TENM4: variants seen among roughly 807,000 people sequenced by gnomAD.
The protein encoded by TENM4 is teneurin transmembrane protein 4.
Under a neutral mutation model 243.3 loss-of-function variants are expected in TENM4, and 82 were observed. The observed-to-expected ratio is 0.34, with a 90% CI of 0.28 to 0.40. The LOEUF is 0.40. Ranked by LOEUF, TENM4 falls within the 10% of genes least tolerant of loss-of-function variation. The probability of loss-of-function intolerance (pLI) is 1.00; values close to 1 mark genes in which losing one functional copy is unlikely to be tolerated. For missense variants in TENM4, 3,138 were observed against 3,673.3 expected (o/e 0.85, Z 3.77); for synonymous variants, 1,412 against 1,456.3 (o/e 0.97, Z 0.69).
intron 1 of TENM4, among the ~76,000 whole-genome samples, chr11:79,305,152 G>A (rs776995312): frequency 6.6e-6 from 1 of 152,234 alleles, no homozygotes; most frequent in African/African-American, 2.4e-5. Flanking sequence ...AGTGAAAAGA[G>A]CATGGGCCTG....
intron 1 of TENM4, among the ~76,000 whole-genome samples, chr11:79,412,677 A>G (rs769862007): frequency 4.7e-4 from 71 of 152,368 alleles, no homozygotes; most frequent in Admixed American, 3.3e-4. Context: ...TACTTTATAA[A>G]TATGTATCAA....
At position 78,701,768 on chromosome 11, in the gene TENM4, G is replaced by A. The variant is rs201252316; in HGVS notation, c.4845C>T (p.Asp1615=). ...DYLYNFTYTG[D]GDITLITDNN... is the part of the protein sequence containing the mutation. ...TGTCTGTGATGAGTGTGATGTCGCC[G>A]TCCCCAGTGTAGGTGAAGTTGTACA... The change falls in exon 28 of 34, where the codon GAC becomes GAT. Residue 1615 remains aspartate (D), a synonymous_variant. Transcript: ENST00000278550. 6.9e-4 allele frequency: 1,112 copies of A among 1,613,928 alleles called. 1 individual carries two copies. Among genetic ancestry groups the A allele is most frequent in the Non-Finnish European group, 8.6e-4 (1,010 of 1,179,876 alleles).
At chr11:78,844,687 T>C (rs1236904960) in intron 12 of TENM4, among the ~76,000 whole-genome samples, 2 of 150,318 alleles carry the variant, frequency 1.3e-5, no homozygotes, top group Non-Finnish European at 3.0e-5. Context: ...TTTCCCTCCA[T>C]ATATACACAG....
chr11:79,059,137 C>T (rs894750972), intron 6 of TENM4, among the ~76,000 whole-genome samples: 1 of 152,112 alleles, frequency 6.6e-6, no homozygotes, highest in African/African-American at 2.4e-5. Flanking sequence ...CCTTTTGACA[C>T]CAGGCTGCTT....
chr11:79,379,040 A>G (rs1293261756), intron 1 of TENM4, among the ~76,000 whole-genome samples: 1 of 152,198 alleles, frequency 6.6e-6, no homozygotes, highest in African/African-American at 2.4e-5. Flanking sequence ...CAGTGCTTGT[A>G]GGGGTAAGAA....
chr11:79,323,081 C>T (rs1856918101), intron 1 of TENM4, among the ~76,000 whole-genome samples: 1 of 152,194 alleles, frequency 6.6e-6, no homozygotes, highest in Non-Finnish European at 1.5e-5. Context: ...GATACTTTGT[C>T]ATAATGACCT....
chr11:79,086,157 G>A (rs1860806765), intron 4 of TENM4, among the ~76,000 whole-genome samples: 1 of 152,216 alleles, frequency 6.6e-6, no homozygotes, highest in Admixed American at 6.5e-5. Flanking sequence ...AGTGGGCCAA[G>A]CGGATATTAG....
chr11:78,729,327 G>T, intron 22 of TENM4, 49 bp downstream of exon 22: 4 of 1,517,378 alleles, frequency 2.6e-6, no homozygotes, highest in Non-Finnish European at 3.6e-6. Flanking sequence ...GGTAGAAAGA[G>T]TCCTCCCTGC....
chr11:78,763,896 C>G (rs779000271), intron 18 of TENM4, among the ~76,000 whole-genome samples: 7 of 102,558 alleles, frequency 6.8e-5, no homozygotes, highest in Non-Finnish European at 5.4e-5. Context: ...CTCTGGAGCT[C>G]CCTCTGGAGA....
At chr11:79,102,179 G>A (rs1007161380) in intron 4 of TENM4, among the ~76,000 whole-genome samples, 8 of 152,228 alleles carry the variant, frequency 5.3e-5, no homozygotes, top group Admixed American at 2.6e-4. Flanking sequence ...GGAAGCGTCC[G>A]TCAAGTACAG....
intron 31 of TENM4, among the ~76,000 whole-genome samples, chr11:78,671,245 C>T (rs1233483356): frequency 6.6e-6 from 1 of 151,964 alleles, no homozygotes; most frequent in Non-Finnish European, 1.5e-5. Context: ...TTCTTCCCCT[C>T]TCTGGGTTTG....
chr11:79,159,088 C>A (rs1294406307), intron 3 of TENM4, among the ~76,000 whole-genome samples: 2 of 152,166 alleles, frequency 1.3e-5, no homozygotes, highest in Non-Finnish European at 2.9e-5. Flanking sequence ...TACTGTTCCT[C>A]TTCTGTGGTG....
At chr11:79,140,903 G>C (rs1454545535) in intron 4 of TENM4, among the ~76,000 whole-genome samples, 1 of 152,022 alleles carries the variant, frequency 6.6e-6, no homozygotes, top group African/African-American at 2.4e-5. Flanking sequence ...GGGGATCTGT[G>C]GACCTGGAGC....
chr11:78,698,826 T>C (rs1859036009), intron 28 of TENM4, among the ~76,000 whole-genome samples: 1 of 152,126 alleles, frequency 6.6e-6, no homozygotes, highest in Admixed American at 6.5e-5. Flanking sequence ...CCAGTGAAAA[T>C]AGGTGTCTGG....
At chr11:78,995,433 A>AG (rs1429116764) in intron 6 of TENM4, among the ~76,000 whole-genome samples, 1 of 152,256 alleles carries the variant, frequency 6.6e-6, no homozygotes, top group East Asian at 1.9e-4. Flanking sequence ...AGTACTCAAA[A>AG]GGGGATTTAT....
chr11:78,660,375 C>T (rs1266956227), intron 33 of TENM4, among the ~76,000 whole-genome samples: 1 of 151,884 alleles, frequency 6.6e-6, no homozygotes, highest in Non-Finnish European at 1.5e-5. Flanking sequence ...TGTGTGCTAT[C>T]CTGTATGCTG....
chr11:78,985,245 C>T (rs534274470), intron 6 of TENM4, among the ~76,000 whole-genome samples: 2 of 152,158 alleles, frequency 1.3e-5, no homozygotes, highest in East Asian at 1.9e-4. Context: ...TTGATGTACA[C>T]ATGCCATACA....
intron 4 of TENM4, among the ~76,000 whole-genome samples, chr11:79,098,462 TGA>T (rs1861141365): frequency 6.6e-6 from 1 of 152,200 alleles, no homozygotes; most frequent in Non-Finnish European, 1.5e-5. Context: ...AGCACGAGTC[TGA>T]GAGAGTCCAA....
chr11:79,169,449 G>C (rs1276090452), intron 3 of TENM4, among the ~76,000 whole-genome samples: 1 of 152,148 alleles, frequency 6.6e-6, no homozygotes, highest in African/African-American at 2.4e-5. Context: ...CATATTGGCA[G>C]TGGGAACAGA....
Sources: allele counts gnomAD v4.1 joint callset (sites outside exome capture counted in the v4.1 genomes callset), GRCh38; gene constraint gnomAD v4.1.1; transcripts MANE v1.5; gene names NCBI Gene and HGNC (gene_info 2026-07-23, HGNC 2026-07-21).